ZNF582: variants seen among roughly 807,000 people sequenced by gnomAD.
ZNF582 encodes zinc finger protein 582.
Under a neutral mutation model 12.3 loss-of-function variants are expected in ZNF582, and 14 were observed. The observed-to-expected ratio is 1.14, with a 90% CI of 0.75 to 1.78. The LOEUF is 1.78. Among genes scored for constraint, ZNF582 ranks in the 40% most tolerant of loss-of-function variants. ZNF582 has a pLI of 0.00. For synonymous variants in ZNF582, 210 were observed against 207.2 expected, an observed-to-expected ratio of 1.01 and a Z score of -0.11; for missense variants, 567 against 616.5, an observed-to-expected ratio of 0.92 and a Z score of 0.85.
chr19:56,389,045 A>G (rs1403434343), intron 4 of ZNF582, among the ~76,000 whole-genome samples: 1 of 152,214 alleles, frequency 6.6e-6, no homozygotes, highest in Non-Finnish European at 1.5e-5. Flanking sequence ...GGTATTCCCC[A>G]GCTACATCAC....
intron 3 of ZNF582, 78 bp from the exon 4 acceptor site, chr19:56,390,174 C>A: frequency 7.1e-7 from 1 of 1,413,180 alleles, no homozygotes; most frequent in South Asian, 1.2e-5. Context: ...GGTCATCAAG[C>A]AGGAGAGGCA....
chr19:56,393,137 G>T, intron 1 of ZNF582, 83 bp downstream of exon 1: 2 of 1,013,520 alleles, frequency 2.0e-6, no homozygotes, highest in Non-Finnish European at 2.5e-6. Context: ...TTTCCTCTCA[G>T]ATTAAAAAAA....
chr19:56,390,386 A>T, exon 3 of ZNF582: 1 of 1,614,242 alleles, frequency 6.2e-7, no homozygotes, highest in Non-Finnish European at 8.5e-7. Flanking sequence ...CAGTGAGACC[A>T]GGTTGCTGTA....
chr19:56,392,560 G>A (rs778755770), intron 1 of ZNF582, among the ~76,000 whole-genome samples: 21 of 152,210 alleles, frequency 1.4e-4, no homozygotes, highest in Non-Finnish European at 2.9e-4. Context: ...GTAGCCAAGA[G>A]GTTGAATCAT....
rs1356969364 is a variant in ZNF582 at position 56,386,304 on chromosome 19, A to G, written c.233-1120T>C. 7 of 152,270 alleles carry G rather than the reference A, an allele frequency of 4.6e-5. No homozygotes were observed. The East Asian group carries it at 1.2e-3, about 25-fold the overall frequency. 9.4% of individuals were successfully genotyped at this position (152,270 alleles called of 1,614,324 possible). On this transcript the variant is annotated intron_variant, in intron 4 of 4. Transcript: ENST00000586929. Reference sequence around the variant, plus strand: ...GCTGTCTTCCTCTGTGAAGCTTTTTATATCTGAAGTTTAGCTGAACACCAT... The same window carrying G: ...GCTGTCTTCCTCTGTGAAGCTTTTTGTATCTGAAGTTTAGCTGAACACCAT...
chr19:56,389,868 TGAGGAA>T, intron 4 of ZNF582, 127 bp downstream of exon 4: 4 of 641,074 alleles, frequency 6.2e-6, no homozygotes, highest in Admixed American at 3.0e-5. Context: ...GCTGACGAGC[TGAGGAA>T]AACAACACGT....
chr19:56,388,811 T>C (rs2041991857), intron 4 of ZNF582, among the ~76,000 whole-genome samples: 1 of 152,148 alleles, frequency 6.6e-6, no homozygotes, highest in African/African-American at 2.4e-5. Context: ...TTTTGTGATT[T>C]TAGTCGGGAC....
chr19:56,385,232 A>C, intron 4 of ZNF582, 48 bp from the exon 5 acceptor site: 1 of 1,494,856 alleles, frequency 6.7e-7, no homozygotes, highest in Non-Finnish European at 8.9e-7. Flanking sequence ...TTTTTTCCAG[A>C]TAAAGGAACT....
intron 1 of ZNF582, 77 bp downstream of exon 1, chr19:56,393,140 TAAA>T (rs11439847): frequency 1.3e-4 from 129 of 992,802 alleles, no homozygotes; most frequent in Middle Eastern, 2.7e-4. Flanking sequence ...CCTCTCAGAT[TAAA>T]AAAAAAAAAA....
At chr19:56,391,254 A>C (rs1600332092) in intron 2 of ZNF582, among the ~76,000 whole-genome samples, 1 of 152,194 alleles carries the variant, frequency 6.6e-6, no homozygotes, top group Non-Finnish European at 1.5e-5. Flanking sequence ...AAACTAATGG[A>C]GGATGTCCCA....
At position 56,384,312 on chromosome 19, in the gene ZNF582, A is replaced by C. The variant is rs552355073; in HGVS notation, c.1105T>G (p.Cys369Gly). 6.8e-6 allele frequency: 11 copies of C among 1,613,634 alleles called. No individual in the cohort carries two copies. The Admixed American group carries it at 8.3e-5, about 12-fold the overall frequency. The change falls in exon 5 of 5, where the codon TGC becomes GGC. Residue 369 changes from cysteine to glycine, a missense_variant. By Grantham distance (159) the Cys-to-Gly change is radical. Coordinates refer to ENST00000586929, the Ensembl canonical transcript of ZNF582. ...CTAAAGGCCTTTCCACATACTTTGC[A>C]CTCATAGGGTTTCTCACCGGTATGA...
intron 4 of ZNF582, among the ~76,000 whole-genome samples, chr19:56,387,965 A>G (rs1246838559): frequency 6.6e-6 from 1 of 152,230 alleles, no homozygotes; most frequent in South Asian, 2.1e-4. Flanking sequence ...ATGACCTACT[A>G]GTCATAGCTA....
Position 56,383,983 on chromosome 19 carries a change from ATG to A in ZNF582, c.1432_1433del (p.His478CysfsTer33), listed in dbSNP as rs1482650197. 3 of 1,613,918 alleles carry A rather than the reference ATG, an allele frequency of 1.9e-6. No individual in the cohort carries two copies. The highest frequency in any genetic ancestry group is 2.2e-5 in the South Asian group (2 of 91,024). On this transcript the variant is annotated frameshift_variant, in exon 5 of 5. Coordinates refer to ENST00000586929, the Ensembl canonical transcript of ZNF582. LOFTEE classifies it low-confidence loss of function (END_TRUNC). ...GCTTTTCTACATTTATTATATTCAC[ATG>A]TGTTTCTCTATTATGCATTCTCTGA...
chr19:56,393,354 G>T, exon 1 of ZNF582: 1 of 990,232 alleles, frequency 1.0e-6, no homozygotes, highest in Non-Finnish European at 1.4e-6. Flanking sequence ...CGAGACGTCT[G>T]CGTTCTTCTC....
chr19:56,391,839 G>T lies in ZNF582; in HGVS notation c.-80-7C>A, dbSNP rs748546168. ...GAGTCCTGCGACGGTAGAGCTGGGGGAGGAAAGAGCAAACATGAGAGGCTA... is the reference window on the plus strand; with the variant it reads ...GAGTCCTGCGACGGTAGAGCTGGGGTAGGAAAGAGCAAACATGAGAGGCTA... On this transcript the variant is annotated splice_region_variant and splice_polypyrimidine_tract_variant and intron_variant, in intron 1 of 4. Transcript: ENST00000586929. 2 of 1,613,004 alleles carry T rather than the reference G, an allele frequency of 1.2e-6. No individual in the cohort carries two copies. The highest frequency in any genetic ancestry group is 1.7e-6 in the Non-Finnish European group (2 of 1,179,508).
At chr19:56,384,353 A>T (rs139899878) in exon 5 of ZNF582, 4 of 1,613,244 alleles carry the variant, frequency 2.5e-6, no homozygotes, top group Non-Finnish European at 2.5e-6. Flanking sequence ...CTGATGTCGT[A>T]TAAGAGTTGA....
chr19:56,393,323 A>AGCTT (rs2042033883), exon 1 of ZNF582: 1 of 1,166,502 alleles, frequency 8.6e-7, no homozygotes, highest in African/African-American at 1.6e-5. Context: ...ACGCCGGTAA[A>AGCTT]GCCACAGAGC....
chr19:56,393,314 C>A, exon 1 of ZNF582: 1 of 1,202,726 alleles, frequency 8.3e-7, no homozygotes, highest in Non-Finnish European at 1.1e-6. Flanking sequence ...TGTAGTCTCA[C>A]GCCGGTAAAG....
intron 1 of ZNF582, 108 bp from the exon 2 acceptor site, chr19:56,391,940 A>G: frequency 2.2e-6 from 2 of 924,206 alleles, no homozygotes; most frequent in Non-Finnish European, 3.2e-6. Context: ...AGAAAATGAG[A>G]AGGAGGGGGA....
Sources: gnomAD v4.1 joint callset for allele counts (sites outside exome capture counted in the v4.1 genomes callset) on GRCh38, gnomAD v4.1.1 for gene constraint, MANE v1.5 for transcripts, NCBI Gene and HGNC (gene_info 2026-07-23, HGNC 2026-07-21) for gene names.